Variants in LMAN2 observed in about 807,000 individuals in gnomAD.
The protein encoded by LMAN2 is lectin, mannose binding 2.
LMAN2 carries 22 observed loss-of-function variants against 39.3 expected under a neutral mutation model. That is an observed-to-expected ratio of 0.56 (90% CI 0.40 to 0.80). The LOEUF is 0.80. Among genes scored for constraint, LMAN2 ranks in the 30% least tolerant of loss-of-function variants. The pLI is 0.00. For synonymous variants in LMAN2, 207 were observed against 207.8 expected (o/e 1.00, Z 0.03); for missense variants, 494 against 505.4 (o/e 0.98, Z 0.22).
chr5:177,340,766 T>C (rs375066280), intron 2 of LMAN2, among the ~76,000 whole-genome samples: 125 of 149,130 alleles, frequency 8.4e-4, no homozygotes, highest in African/African-American at 3.0e-3. Flanking sequence ...TGAGACTCTT[T>C]CTCAAAAAAA....
At chr5:177,338,810 G>A (rs1226461927) in intron 2 of LMAN2, among the ~76,000 whole-genome samples, 5 of 152,212 alleles carry the variant, frequency 3.3e-5, no homozygotes, top group Non-Finnish European at 5.9e-5. Flanking sequence ...TGGGCACCAG[G>A]TGAGGTGGGG....
intron 2 of LMAN2, among the ~76,000 whole-genome samples, chr5:177,341,600 A>C (rs976233129): frequency 2.6e-5 from 4 of 152,228 alleles, no homozygotes; most frequent in African/African-American, 9.6e-5. Context: ...GAGACAAACA[A>C]ACAAAAACCA....
At chr5:177,345,170 C>T (rs1761615043) in intron 2 of LMAN2, among the ~76,000 whole-genome samples, 1 of 145,164 alleles carries the variant, frequency 6.9e-6, no homozygotes, top group Admixed American at 6.9e-5. Context: ...TGAAACCCTA[C>T]TTCTACCAAA....
At chr5:177,335,759 G>A (rs1761460000) in intron 6 of LMAN2, among the ~76,000 whole-genome samples, 1 of 152,222 alleles carries the variant, frequency 6.6e-6, no homozygotes, top group Admixed American at 6.5e-5. Context: ...GCACTTCCAT[G>A]CTGAGAGAGG....
chr5:177,344,414 G>T (rs1761604542), intron 2 of LMAN2, among the ~76,000 whole-genome samples: 1 of 149,908 alleles, frequency 6.7e-6, no homozygotes, highest in African/African-American at 2.5e-5. Context: ...CTGAGTAGCT[G>T]GGATTACAGG....
rs763282240 is a variant in LMAN2, at chr5:177,337,619, T to C, written c.513+87A>G. The C allele has an allele frequency of 2.2e-5, 36 of 1,605,364 alleles. No homozygotes were observed. Among genetic ancestry groups the C allele is most frequent in the Non-Finnish European group, 3.1e-5 (36 of 1,174,980 alleles). On this transcript the variant is annotated intron_variant, in intron 4 of 7. Transcript: ENST00000303127. This position sits in a 1 kb window ranked among gnomAD's most constrained non-coding sequence, Gnocchi z 8.2. ...CAATCCCTGGAGGCTCCTCTTGTGC[T>C]GGGACCATGGAAGTCCCAGGGCCCC... is the stretch of plus-strand genomic sequence containing the variant.
chr5:177,339,393 G>T (rs1288511020), intron 2 of LMAN2, among the ~76,000 whole-genome samples: 1 of 152,224 alleles, frequency 6.6e-6, no homozygotes, highest in Non-Finnish European at 1.5e-5. Context: ...TGGTACCAGC[G>T]CTGGGGATGA....
intron 2 of LMAN2, among the ~76,000 whole-genome samples, chr5:177,345,217 C>T (rs1353583672): frequency 6.6e-6 from 1 of 150,416 alleles, no homozygotes; most frequent in Non-Finnish European, 1.5e-5. Context: ...TGGTGGTGTG[C>T]GCCTGTAGTC....
chr5:177,344,325 G>C (rs1418535891), intron 2 of LMAN2, among the ~76,000 whole-genome samples: 1 of 122,714 alleles, frequency 8.1e-6, no homozygotes, highest in African/African-American at 3.2e-5. Context: ...TTGCTCTGTC[G>C]CCAGGGTGGA....
chr5:177,351,346 C>T, intron 1 of LMAN2, 55 bp from the exon 2 acceptor site: 2 of 1,608,692 alleles, frequency 1.2e-6, no homozygotes, highest in Middle Eastern at 1.9e-4. Context: ...TCACCAGAGG[C>T]AGGAAACCCA....
intron 6 of LMAN2, chr5:177,336,837 C>G (rs553983534): frequency 3.1e-5 from 15 of 485,408 alleles, no homozygotes; most frequent in South Asian, 1.7e-4. Flanking sequence ...GAGGCCCGGA[C>G]AGGCCATTTA....
intron 2 of LMAN2, among the ~76,000 whole-genome samples, chr5:177,347,744 A>C (rs902011210): frequency 2.0e-5 from 3 of 152,208 alleles, no homozygotes; most frequent in Non-Finnish European, 4.4e-5. Context: ...ATCATCAAAA[A>C]TTTTGATAAA....
chr5:177,345,226 TC>T (rs1156713493), intron 2 of LMAN2, among the ~76,000 whole-genome samples: 6 of 148,964 alleles, frequency 4.0e-5, no homozygotes, highest in Non-Finnish European at 8.9e-5. Context: ...GCGCCTGTAG[TC>T]CCAGCTACTC....
At chr5:177,341,522 C>T (rs1279547084) in intron 2 of LMAN2, among the ~76,000 whole-genome samples, 1 of 152,134 alleles carries the variant, frequency 6.6e-6, no homozygotes, top group Non-Finnish European at 1.5e-5. Flanking sequence ...AGGAAGGTAA[C>T]AGCCAGCATG....
rs1561603129 is a variant in LMAN2 at position 177,334,318 on chromosome 5, G to A, written c.876C>T (p.Ile292=). 9 of 1,612,950 alleles carry A rather than the reference G, an allele frequency of 5.6e-6. No homozygotes were observed. Among genetic ancestry groups the A allele is most frequent in the East Asian group, 2.2e-5 (1 of 44,880 alleles). The change falls in exon 7 of 8, where the codon ATC becomes ATT. Residue 292 remains isoleucine, a synonymous_variant. Transcript: ENST00000303127. The part of the protein sequence containing the change: ...PDEESIDWTK[I]EPSVNFLKSP... The stretch of plus-strand genomic sequence containing the variant: ...ACTTGAGGAAGTTGACGCTGGGCTC[G>A]ATCTTGGTCCAGTCGATGCTCTCCT...
At chr5:177,341,777 T>C (rs887760299) in intron 2 of LMAN2, among the ~76,000 whole-genome samples, 2 of 152,202 alleles carry the variant, frequency 1.3e-5, no homozygotes, top group East Asian at 3.9e-4. Flanking sequence ...TTGTGTGATT[T>C]AAAACAGAAA....
chr5:177,336,192 G>A (rs750416023), intron 6 of LMAN2, among the ~76,000 whole-genome samples: 2 of 152,162 alleles, frequency 1.3e-5, no homozygotes, highest in African/African-American at 4.8e-5. Flanking sequence ...AGGGAAGGCC[G>A]CACTGAGGAG....
At chr5:177,345,339 TAAAAAAAAAAA>T (rs10639580) in intron 2 of LMAN2, among the ~76,000 whole-genome samples, 1 of 52,392 alleles carries the variant, frequency 1.9e-5, no homozygotes, top group African/African-American at 6.6e-5. Flanking sequence ...AGACCCTGTC[TAAAAAAAAAAA>T]AAAAAAAAAA....
chr5:177,351,623 G>C lies in LMAN2; in HGVS notation c.25C>G (p.Arg9Gly), dbSNP rs1340051682. 1.3e-6 allele frequency: 2 copies of C among 1,596,078 alleles called. No homozygotes were observed. Residue 9 changes from arginine to glycine, a missense_variant, in exon 1 of 8, where the codon CGT becomes GGT. Transcript: ENST00000303127. Reference sequence around the variant, plus strand: ...AGGCACCGCCGGCCCCAGCCCCAACGCCAAATCCAGCCTTCCGCCGCCATT... The same window carrying C: ...AGGCACCGCCGGCCCCAGCCCCAACCCCAAATCCAGCCTTCCGCCGCCATT... Reference protein sequence around the residue: MAAEGWIWRWGWGRRCLGR... With the variant: MAAEGWIWGWGWGRRCLGR...
Sources: allele counts gnomAD v4.1 joint callset (sites outside exome capture counted in the v4.1 genomes callset), GRCh38; gene constraint gnomAD v4.1.1; non-coding constraint Gnocchi (gnomAD v3.1); transcripts MANE v1.5; gene names NCBI Gene and HGNC (gene_info 2026-07-23, HGNC 2026-07-21).